The following FBXL7 variants were observed in gnomAD, a reference collection of about 807,000 sequenced individuals.
FBXL7 encodes F-box/LRR-repeat protein 7.
A neutral mutation model predicts 38.3 loss-of-function variants in FBXL7; 12 were observed. The ratio of observed to expected loss-of-function variants is 0.31; its 90% CI spans 0.20 to 0.51. The LOEUF (loss-of-function observed/expected upper bound fraction) is 0.51, where lower values mean the gene tolerates loss of function less well. Among genes scored for constraint, FBXL7 ranks in the 20% least tolerant of loss-of-function variants. The pLI is 0.98. For missense variants in FBXL7, 567 were observed against 676.4 expected, an observed-to-expected ratio of 0.84 and a Z score of 1.79; for synonymous variants, 297 against 300.9, an observed-to-expected ratio of 0.99 and a Z score of 0.13.
At chr5:15,935,352 T>G (rs1039336223) in intron 3 of FBXL7, 2 of 402,156 alleles carry the variant, frequency 5.0e-6, no homozygotes, top group African/African-American at 5.5e-5. Context: ...GAAGGGAGTC[T>G]GATTCAAGGA....
intron 1 of FBXL7, among the ~76,000 whole-genome samples, chr5:15,559,628 T>C (rs1738353292): frequency 2.0e-5 from 3 of 152,226 alleles, no homozygotes; most frequent in Admixed American, 6.5e-5. Context: ...AAAAAAGTTA[T>C]TTTGCCAAGT....
intron 2 of FBXL7, among the ~76,000 whole-genome samples, chr5:15,654,104 A>T (rs1741796762): frequency 6.6e-6 from 1 of 152,188 alleles, no homozygotes; most frequent in Admixed American, 6.5e-5. Flanking sequence ...TATAACAGTA[A>T]ACTAATTAGA....
chr5:15,638,311 G>A (rs1426093779), intron 2 of FBXL7, among the ~76,000 whole-genome samples: 1 of 152,162 alleles, frequency 6.6e-6, no homozygotes, highest in Non-Finnish European at 1.5e-5. Context: ...GTTCCTGTGT[G>A]TGAGGAAGGC....
intron 2 of FBXL7, among the ~76,000 whole-genome samples, chr5:15,770,924 A>G (rs959760077): frequency 5.9e-5 from 9 of 152,164 alleles, no homozygotes; most frequent in African/African-American, 1.9e-4. Flanking sequence ...ACTTGTGCAG[A>G]GTTACCAAAC....
chr5:15,797,765 A>C (rs1201899416), intron 2 of FBXL7, among the ~76,000 whole-genome samples: 1 of 152,216 alleles, frequency 6.6e-6, no homozygotes, highest in Non-Finnish European at 1.5e-5. Context: ...ATAAAAACAA[A>C]TTAAGACAGA....
At chr5:15,783,271 A>G (rs1737045624) in intron 2 of FBXL7, among the ~76,000 whole-genome samples, 1 of 152,170 alleles carries the variant, frequency 6.6e-6, no homozygotes, top group Non-Finnish European at 1.5e-5. Context: ...GCACTGTCAT[A>G]ATTTCCGGCA....
intron 1 of FBXL7, among the ~76,000 whole-genome samples, chr5:15,516,223 T>G (rs1167110642): frequency 6.6e-6 from 1 of 152,212 alleles, no homozygotes; most frequent in East Asian, 1.9e-4. Context: ...TTTATTTTCC[T>G]AAATTTGTGT....
chr5:15,745,469 CA>C (rs1735990951), intron 2 of FBXL7, among the ~76,000 whole-genome samples: 1 of 151,940 alleles, frequency 6.6e-6, no homozygotes, highest in Admixed American at 6.6e-5. Context: ...AGGCAATAAA[CA>C]AATTTTAAAA....
chr5:15,824,295 C>A (rs78645913), intron 2 of FBXL7, among the ~76,000 whole-genome samples: 280 of 122,710 alleles, frequency 2.3e-3, no homozygotes, highest in Middle Eastern at 4.3e-3. Flanking sequence ...GACTCCGTCT[C>A]AAAAAAAAAA....
Position 15,721,735 on chromosome 5 carries a change from A to T in FBXL7, c.127+105663A>T, listed in dbSNP as rs867551219. Reference sequence around the variant, plus strand: ...AACATTTTCTTTTCATATTGCCTCTATTTCCTCATTTTTAGTGTCTGGTTT... The same window carrying T: ...AACATTTTCTTTTCATATTGCCTCTTTTTCCTCATTTTTAGTGTCTGGTTT... On this transcript the variant is annotated intron_variant, in intron 2 of 3. Transcript: ENST00000504595. 6.6e-5 allele frequency among the ~76,000 whole-genome samples: 10 copies of T among 151,784 alleles called. No homozygotes were observed. The South Asian group carries it at 1.7e-3, about 25-fold the overall frequency.
chr5:15,698,916 G>GCT (rs1743432819), intron 2 of FBXL7, among the ~76,000 whole-genome samples: 1 of 152,196 alleles, frequency 6.6e-6, no homozygotes, highest in Non-Finnish European at 1.5e-5. Context: ...CTATGCAGAT[G>GCT]CTCATTCCCT....
chr5:15,680,767 A>G (rs1246355286), intron 2 of FBXL7, among the ~76,000 whole-genome samples: 1 of 152,124 alleles, frequency 6.6e-6, no homozygotes, highest in Non-Finnish European at 1.5e-5. Flanking sequence ...ATGTTGTTCA[A>G]TTTTATTTGT....
intron 2 of FBXL7, among the ~76,000 whole-genome samples, chr5:15,854,920 C>T (rs1303307946): frequency 3.9e-5 from 6 of 152,256 alleles, no homozygotes; most frequent in African/African-American, 1.4e-4. Flanking sequence ...TAATACCCAT[C>T]AATTTCTTCA....
rs556503619 is a variant in FBXL7, at chr5:15,938,916, C to A, written c.*1730C>A. ...CTCTAGCCAAGCCCCACCTTTGTTA[C>A]GTTGAAATCCCTCATTTATTTTCTT... On this transcript the variant is annotated 3_prime_UTR_variant, in exon 4 of 4. Transcript: ENST00000504595. The A allele has an allele frequency of 5.0e-6, 2 of 398,706 alleles. No individual in the cohort carries two copies. Among genetic ancestry groups the A allele is most frequent in the Non-Finnish European group, 8.8e-6 (2 of 225,998 alleles). 24.7% of individuals were successfully genotyped at this position (398,706 alleles called of 1,614,324 possible). A position where few individuals can be genotyped will look rare whatever the true frequency, so the allele number is the denominator to read the frequency against.
rs558687682 is a variant in FBXL7 at position 15,620,310 on chromosome 5, G to A, written c.127+4238G>A. Among the ~76,000 whole-genome samples, 24 of 145,624 alleles carry A rather than the reference G, an allele frequency of 1.6e-4. No homozygotes were observed. In the East Asian group the frequency reaches 4.5e-3, roughly 27 times the overall value. On this transcript the variant is annotated intron_variant, in intron 2 of 3. Coordinates refer to ENST00000504595, the MANE Select transcript of FBXL7 (RefSeq NM_012304.5). ...TGCAGTGGCTCAATCTTGGCTCACT[G>A]CAACCTCCTCCTCCCAGGTTCAAGC...
At chr5:15,687,608 C>G (rs565187739) in intron 2 of FBXL7, among the ~76,000 whole-genome samples, 1 of 152,244 alleles carries the variant, frequency 6.6e-6, no homozygotes, top group South Asian at 2.1e-4. Flanking sequence ...TGTAGCACTG[C>G]CCTCAAGGCT....
At chr5:15,829,655 T>C (rs1738402644) in intron 2 of FBXL7, among the ~76,000 whole-genome samples, 1 of 152,226 alleles carries the variant, frequency 6.6e-6, no homozygotes, top group Non-Finnish European at 1.5e-5. Flanking sequence ...TGGCTTTCTT[T>C]GCTTTAAAAT....
At chr5:15,765,555 A>G (rs555243464) in intron 2 of FBXL7, among the ~76,000 whole-genome samples, 4 of 152,308 alleles carry the variant, frequency 2.6e-5, no homozygotes, top group East Asian at 1.9e-4. Context: ...GTGACAATTC[A>G]TAGCTGCAAG....
chr5:15,877,845 C>T (rs965859453), intron 2 of FBXL7, among the ~76,000 whole-genome samples: 1 of 152,162 alleles, frequency 6.6e-6, no homozygotes, highest in African/African-American at 2.4e-5. Flanking sequence ...AAACATAGCA[C>T]TTATAACCAG....
Sources: gnomAD v4.1 joint callset for allele counts (sites outside exome capture counted in the v4.1 genomes callset) on GRCh38, gnomAD v4.1.1 for gene constraint, MANE v1.5 for transcripts, NCBI Gene and HGNC (gene_info 2026-07-23, HGNC 2026-07-21) for gene names.